The following CSNK2A2IP variants were observed in gnomAD, a reference collection of about 807,000 sequenced individuals.
CSNK2A2IP encodes casein kinase II subunit alpha'-interacting protein.
At chr3:88,374,273 C>A in the CSNK2A2IP span, among the ~76,000 whole-genome samples, 2 of 151,500 alleles carry the variant, frequency 1.3e-5, no homozygotes, top group Admixed American at 1.3e-4. Context: ...TATTTCGGTG[C>A]GAGGCAGTAA....
At chr3:88,429,583 C>T in the CSNK2A2IP span, among the ~76,000 whole-genome samples, 4 of 49,728 alleles carry the variant, frequency 8.0e-5, no homozygotes, top group Admixed American at 6.2e-4. Context: ...GCTCTCTGAA[C>T]GAGGCTATGT....
At chr3:88,385,028 T>A in the CSNK2A2IP span, among the ~76,000 whole-genome samples, 1 of 152,092 alleles carries the variant, frequency 6.6e-6, no homozygotes, top group African/African-American at 2.4e-5. Context: ...GGCAGTTAGA[T>A]ATAGAAGTTT....
chr3:88,409,770 G>A, the CSNK2A2IP span, among the ~76,000 whole-genome samples: 55 of 151,676 alleles, frequency 3.6e-4, no homozygotes, highest in Admixed American at 6.6e-4. Flanking sequence ...TTTTTGCTCC[G>A]TCTCCTAGTA....
chr3:88,362,812 G>A, the CSNK2A2IP span, among the ~76,000 whole-genome samples: 7 of 152,248 alleles, frequency 4.6e-5, no homozygotes, highest in East Asian at 3.9e-4. Flanking sequence ...TTATTTTAAC[G>A]TGGCTGAGCT....
At chr3:88,424,809 CT>C in the CSNK2A2IP span, among the ~76,000 whole-genome samples, 19 of 151,206 alleles carry the variant, frequency 1.3e-4, no homozygotes, top group East Asian at 2.3e-3. Context: ...TTTAACAAAG[CT>C]TTTTTTTTCT....
the CSNK2A2IP span, among the ~76,000 whole-genome samples, chr3:88,368,880 G>T: frequency 1.5e-3 from 226 of 152,124 alleles, no homozygotes; most frequent in Non-Finnish European, 3.1e-3. Flanking sequence ...TCTCTTGGAA[G>T]AGTGGGGAGG....
chr3:88,355,062 A>T, the CSNK2A2IP span, among the ~76,000 whole-genome samples: 1 of 152,158 alleles, frequency 6.6e-6, no homozygotes, highest in Non-Finnish European at 1.5e-5. Flanking sequence ...CAACCCTGTG[A>T]AACATGCCAG....
At chr3:88,435,810 A>T in the CSNK2A2IP span, among the ~76,000 whole-genome samples, 1 of 152,072 alleles carries the variant, frequency 6.6e-6, no homozygotes, top group South Asian at 2.1e-4. Flanking sequence ...AAGATTATAG[A>T]TCTGAATCAG....
chr3:88,400,556 G>C, the CSNK2A2IP span, among the ~76,000 whole-genome samples: 1 of 152,106 alleles, frequency 6.6e-6, no homozygotes, highest in Non-Finnish European at 1.5e-5. Context: ...TAATTGTATA[G>C]GTCTTTAAAA....
the CSNK2A2IP span, among the ~76,000 whole-genome samples, chr3:88,463,333 G>C: frequency 6.6e-6 from 1 of 151,794 alleles, no homozygotes; most frequent in Admixed American, 6.6e-5. Context: ...AAATTGTGTG[G>C]TATGACACCC....
the CSNK2A2IP span, among the ~76,000 whole-genome samples, chr3:88,397,747 C>G: frequency 7.3e-6 from 1 of 136,902 alleles, no homozygotes; most frequent in Non-Finnish European, 1.6e-5. Context: ...ATTGTTATTA[C>G]TAGGATATCT....
At chr3:88,454,610 A>G in the CSNK2A2IP span, among the ~76,000 whole-genome samples, 1 of 151,878 alleles carries the variant, frequency 6.6e-6, no homozygotes, top group East Asian at 1.9e-4. Flanking sequence ...TGAGGTATGA[A>G]TCACATTTCT....
chr3:88,348,958 G>A, the CSNK2A2IP span, among the ~76,000 whole-genome samples: 2 of 151,058 alleles, frequency 1.3e-5, no homozygotes, highest in Admixed American at 6.6e-5. Context: ...TTTTATTCCC[G>A]AATTGTTTTA....
chr3:88,465,425 C>T, the CSNK2A2IP span: 2 of 1,231,634 alleles, frequency 1.6e-6, no homozygotes, highest in Non-Finnish European at 2.0e-6. Flanking sequence ...CTGTCCTCAG[C>T]CAATACATTA....
chr3:88,410,858 T>C, the CSNK2A2IP span, among the ~76,000 whole-genome samples: 1 of 151,982 alleles, frequency 6.6e-6, no homozygotes, highest in Non-Finnish European at 1.5e-5. Context: ...GTAAAGACTT[T>C]TGTTATATAT....
At chr3:88,369,453 A>G in the CSNK2A2IP span, among the ~76,000 whole-genome samples, 1 of 151,926 alleles carries the variant, frequency 6.6e-6, no homozygotes, top group Non-Finnish European at 1.5e-5. Flanking sequence ...ACTTCAGAAG[A>G]GTTTATTACT....
At chr3:88,358,739 G>C in the CSNK2A2IP span, among the ~76,000 whole-genome samples, 1 of 152,042 alleles carries the variant, frequency 6.6e-6, no homozygotes, top group Non-Finnish European at 1.5e-5. Flanking sequence ...TGACTTGCTA[G>C]GATTTTGTTG....
the CSNK2A2IP span, among the ~76,000 whole-genome samples, chr3:88,433,660 A>G: frequency 2.0e-5 from 3 of 152,218 alleles, no homozygotes; most frequent in Admixed American, 2.0e-4. Flanking sequence ...AGAATTGGAA[A>G]AGAATCAGGA....
the CSNK2A2IP span, among the ~76,000 whole-genome samples, chr3:88,434,932 A>G: frequency 6.6e-6 from 1 of 152,156 alleles, no homozygotes; most frequent in Non-Finnish European, 1.5e-5. Context: ...AAAGTTCAAT[A>G]CCTAAGGCAA....
Sources: gnomAD v4.1 joint callset for allele counts (sites outside exome capture counted in the v4.1 genomes callset) on GRCh38, gnomAD v4.1.1 for gene constraint, MANE v1.5 for transcripts, NCBI Gene and HGNC (gene_info 2026-07-23, HGNC 2026-07-21) for gene names.